The following RASGRP3 variants were observed in gnomAD, a reference collection of about 807,000 sequenced individuals.
RASGRP3 encodes ras guanyl-releasing protein 3.
RASGRP3 carries 54 observed loss-of-function variants against 82.7 expected under a neutral mutation model. That is an observed-to-expected ratio of 0.65 (90% CI 0.52 to 0.82). The LOEUF (loss-of-function observed/expected upper bound fraction) is 0.82, where lower values mean the gene tolerates loss of function less well. RASGRP3 is among the 40% of genes least tolerant of loss of function. The pLI, the probability that RASGRP3 is intolerant of heterozygous loss-of-function variation, is 0.00. For synonymous variants in RASGRP3, 309 were observed against 300.5 expected (o/e 1.03, Z -0.29); for missense variants, 861 against 828.9 (o/e 1.04, Z -0.48).
rs1195083448 is a variant in RASGRP3 at position 33,470,767 on chromosome 2, CAATT to C, written c.-261+22829_-261+22832del. On this transcript the variant is annotated intron_variant, in intron 2 of 18. Coordinates refer to the RASGRP3 transcript ENST00000402538. Reference sequence around the variant, plus strand: ...CTGTATAATTGTTCCGTGGCCAGAACAATTAATTTTGTATACTTATTTTGTATAT... The same window carrying C: ...CTGTATAATTGTTCCGTGGCCAGAACAATTTTGTATACTTATTTTGTATAT... 2.6e-5 allele frequency among the ~76,000 whole-genome samples: 4 copies of C among 152,142 alleles called. No individual in the cohort carries two copies. The East Asian group carries it at 7.7e-4, about 29-fold the overall frequency.
intron 2 of RASGRP3, among the ~76,000 whole-genome samples, chr2:33,453,029 A>G (rs1665878208): frequency 6.6e-6 from 1 of 152,162 alleles, no homozygotes; most frequent in Non-Finnish European, 1.5e-5. Context: ...CAGGGAAGGT[A>G]TCTTTCTCTG....
intron 13 of RASGRP3, among the ~76,000 whole-genome samples, chr2:33,548,871 T>A (rs1450696548): frequency 1.3e-5 from 2 of 152,110 alleles, no homozygotes; most frequent in Non-Finnish European, 2.9e-5. Context: ...GTGTTTTTGG[T>A]AGAGATGGGG....
chr2:33,517,183 C>CA (rs1275459794), intron 4 of RASGRP3, among the ~76,000 whole-genome samples: 3 of 152,192 alleles, frequency 2.0e-5, no homozygotes, highest in East Asian at 3.9e-4. Flanking sequence ...GAAATGAAAA[C>CA]AAAAAAATCC....
intron 13 of RASGRP3, among the ~76,000 whole-genome samples, chr2:33,546,456 A>G (rs1052723344): frequency 2.0e-5 from 3 of 151,954 alleles, no homozygotes; most frequent in Admixed American, 6.6e-5. Context: ...AAAAAATAAC[A>G]GATGCTAGTG....
chr2:33,436,618 T>C (rs1424126864), intron 1 of RASGRP3: 1 of 152,240 alleles, frequency 6.6e-6, no homozygotes, highest in Admixed American at 6.5e-5. Context: ...AATCTGTCTG[T>C]TGTTGCGTCT....
In RASGRP3 at chr2:33,558,271, T is replaced by C. The variant is rs766552880; in HGVS notation, c.1640T>C (p.Phe547Ser). 6 of 1,613,512 alleles carry C rather than the reference T, an allele frequency of 3.7e-6. No homozygotes were observed. Among genetic ancestry groups the C allele is most frequent in the Non-Finnish European group, 5.1e-6 (6 of 1,179,748 alleles). The change falls in exon 16 of 18, where the codon TTT (phenylalanine) becomes TCT (serine). Residue 547 changes from phenylalanine (F) to serine (S), a missense_variant. Physicochemically the swap from Phe to Ser is radical, Grantham distance 155. Coordinates refer to ENST00000403687, the MANE Select transcript of RASGRP3 (RefSeq NM_001139488.2). ...KDLLVLACRRFARAPSLSSGH... is the reference protein window; with the variant it reads ...KDLLVLACRRSARAPSLSSGH... The stretch of plus-strand genomic sequence containing the variant: ...CTCCTGGTTCTGGCCTGCAGGAGAT[T>C]TGCCCGGGCGCCCTCCTTGAGCAGT...
At chr2:33,475,956 A>G (rs2150924125), upstream of RASGRP3, among the ~76,000 whole-genome samples, 1 of 152,350 alleles carries the variant, frequency 6.6e-6, no homozygotes, top group Middle Eastern at 3.4e-3. Flanking sequence ...ACAATGCGGA[A>G]GTTTGGTCTA....
chr2:33,527,265 C>A lies in RASGRP3; in HGVS notation c.936C>A (p.Val312=). 6.2e-7 allele frequency: 1 copy of A among 1,614,028 alleles called. No homozygotes were observed. Among genetic ancestry groups the A allele is most frequent in the Non-Finnish European group, 8.5e-7 (1 of 1,179,892 alleles). Residue 312 remains valine, a synonymous_variant, in exon 10 of 18, where the codon GTC becomes GTA. Coordinates refer to ENST00000403687, the MANE Select transcript of RASGRP3 (RefSeq NM_001139488.2). ...TACACTTGAAAGACTTGATAGCTGT[C>A]CATGTCATTTTCCCAGACTGGACAG... ...LGVHLKDLIA[V]HVIFPDWTEE... is the part of the protein sequence containing the mutation.
At chr2:33,552,900 G>A (rs1574491516) in intron 14 of RASGRP3, among the ~76,000 whole-genome samples, 1 of 152,174 alleles carries the variant, frequency 6.6e-6, no homozygotes, top group Non-Finnish European at 1.5e-5. Flanking sequence ...AAATATGACA[G>A]CAGCCGGTGG....
At chr2:33,495,939 G>C (rs1172390551) in intron 1 of RASGRP3, among the ~76,000 whole-genome samples, 1 of 152,134 alleles carries the variant, frequency 6.6e-6, no homozygotes, top group African/African-American at 2.4e-5. Flanking sequence ...TTGCCTCATG[G>C]GGATGCAGCC....
chr2:33,464,229 C>T (rs1234939096), intron 2 of RASGRP3, among the ~76,000 whole-genome samples: 1 of 149,484 alleles, frequency 6.7e-6, no homozygotes, highest in Non-Finnish European at 1.5e-5. Flanking sequence ...AGTGGTTCTC[C>T]TGTCTCAGAC....
rs538323118 is a variant in RASGRP3 at position 33,495,508 on chromosome 2, A to ACCAGGCCATGGC, written c.-260-16196_-260-16185dup. On this transcript the variant is annotated intron_variant, in intron 1 of 17. Transcript: ENST00000403687. The stretch of plus-strand genomic sequence containing the variant: ...CAGCTTGGTTCCTAACAGGCCATGG[A>ACCAGGCCATGGC]CCAGGCCATGGCCCAGGGGTTGGGG... Among the ~76,000 whole-genome samples, 1,057 of 152,136 alleles carry ACCAGGCCATGGC rather than the reference A, an allele frequency of 6.9e-3. 13 individuals carry two copies. Among genetic ancestry groups the ACCAGGCCATGGC allele is most frequent in the African/African-American group, 0.025 (1,020 of 41,502 alleles).
chr2:33,544,313 C>CAA (rs879627979), intron 13 of RASGRP3, among the ~76,000 whole-genome samples: 1 of 132,712 alleles, frequency 7.5e-6, no homozygotes, highest in Non-Finnish European at 1.6e-5. Context: ...GACTCTGTCT[C>CAA]AAAAAAAAAA....
At chr2:33,480,923 G>T (rs187218199) in intron 1 of RASGRP3, among the ~76,000 whole-genome samples, 1 of 151,686 alleles carries the variant, frequency 6.6e-6, no homozygotes, top group African/African-American at 2.4e-5. Context: ...CTTTGGTATT[G>T]AGAAGTCGAA....
intron 4 of RASGRP3, 140 bp from the exon 5 acceptor site, chr2:33,519,812 G>T: frequency 1.7e-6 from 1 of 593,804 alleles, no homozygotes; most frequent in South Asian, 2.2e-5. Context: ...AGTCATCAGA[G>T]GCCACTTCTC....
chr2:33,471,341 A>ATTTTTTTTTTTTT (rs70940204), intron 2 of RASGRP3, among the ~76,000 whole-genome samples: 1 of 106,790 alleles, frequency 9.4e-6, no homozygotes, highest in African/African-American at 3.7e-5. Context: ...ACACTGGGCT[A>ATTTTTTTTTTTTT]TTTTTTTTTT....
intron 2 of RASGRP3, among the ~76,000 whole-genome samples, chr2:33,465,005 A>G (rs1220834306): frequency 6.6e-6 from 1 of 152,200 alleles, no homozygotes; most frequent in East Asian, 1.9e-4. Flanking sequence ...TTCAAGTGAG[A>G]GAAAGAGTCA....
rs551803972 is a variant in RASGRP3 at position 33,515,261 on chromosome 2, C to T, written c.70+55C>T. The T allele has an allele frequency of 6.3e-6, 10 of 1,588,156 alleles. No individual in the cohort carries two copies. The South Asian group carries it at 9.9e-5, about 16-fold the overall frequency. On this transcript the variant is annotated intron_variant, in intron 3 of 17. Coordinates refer to ENST00000403687, the MANE Select transcript of RASGRP3 (RefSeq NM_001139488.2). ...TGGATCTCTCGATGCTCTCACTTTC[C>T]TCTATTCAGAGGCAAGTTGCTTGTA...
At chr2:33,552,930 G>A (rs1255528607) in intron 14 of RASGRP3, among the ~76,000 whole-genome samples, 1 of 152,132 alleles carries the variant, frequency 6.6e-6, no homozygotes, top group Non-Finnish European at 1.5e-5. Context: ...AAAGGACTGT[G>A]GGAAATACTC....
Sources: gnomAD v4.1 joint callset for allele counts (sites outside exome capture counted in the v4.1 genomes callset) on GRCh38, gnomAD v4.1.1 for gene constraint, MANE v1.5 for transcripts, NCBI Gene and HGNC (gene_info 2026-07-23, HGNC 2026-07-21) for gene names.